The following QRFPR variants were observed in gnomAD, a reference collection of about 807,000 sequenced individuals.
QRFPR encodes pyroglutamylated RF-amide peptide receptor.
In QRFPR, 37 loss-of-function variants were observed where a neutral mutation model predicts 31.3. That is an observed-to-expected ratio of 1.18 (90% CI 0.91 to 1.56). QRFPR has a LOEUF of 1.56. QRFPR is among the 40% of genes most tolerant of loss of function. The pLI, the probability that QRFPR is intolerant of heterozygous loss-of-function variation, is 0.00. For synonymous variants in QRFPR, 197 were observed against 192.0 expected (o/e 1.03, Z -0.22); for missense variants, 542 against 532.5 (o/e 1.02, Z -0.18).
chr4:121,374,965 G>A (rs1726323426), intron 1 of QRFPR, among the ~76,000 whole-genome samples: 1 of 152,108 alleles, frequency 6.6e-6, no homozygotes, highest in Non-Finnish European at 1.5e-5. Flanking sequence ...GTGTGCACCT[G>A]AGGAGACCAT....
rs527330609 is a variant in QRFPR at position 121,366,802 on chromosome 4, T to C, written c.340+13506A>G. ...CTCTGAGCCTCCATTTTCTCATCTG[T>C]AAAATGAGGATAATATTATATTTGG... On this transcript the variant is annotated intron_variant, in intron 1 of 5. Coordinates refer to ENST00000394427, the MANE Select transcript of QRFPR (RefSeq NM_198179.3). 8.6e-5 allele frequency among the ~76,000 whole-genome samples: 13 copies of C among 150,304 alleles called. No individual in the cohort carries two copies. In the South Asian group the frequency reaches 2.8e-3, roughly 32 times the overall value.
rs746375005 is a variant in QRFPR at position 121,363,194 on chromosome 4, C to T, written c.340+17114G>A. Among the ~76,000 whole-genome samples the T allele has an allele frequency of 1.1e-4, 16 of 149,816 alleles. 1 individual carries two copies. Among genetic ancestry groups the T allele is most frequent in the African/African-American group, 1.7e-4 (7 of 40,438 alleles). On this transcript the variant is annotated intron_variant, in intron 1 of 5. Transcript: ENST00000394427. The stretch of plus-strand genomic sequence containing the variant: ...ACAAAAAATTAGTTGGGCGTGGTGG[C>T]GCACACCTGTAATCACAACTACTCA...
intron 1 of QRFPR, among the ~76,000 whole-genome samples, chr4:121,379,996 T>C (rs1726440312): frequency 6.6e-6 from 1 of 152,116 alleles, no homozygotes; most frequent in Admixed American, 6.5e-5. Flanking sequence ...GCTCGGGACC[T>C]TTCCGAAGCT....
intron 3 of QRFPR, among the ~76,000 whole-genome samples, chr4:121,333,955 C>T (rs749152755): frequency 6.6e-6 from 1 of 152,282 alleles, no homozygotes; most frequent in South Asian, 2.1e-4. Context: ...GAATGAGGGA[C>T]AGCAACTTTT....
intron 1 of QRFPR, among the ~76,000 whole-genome samples, chr4:121,378,368 C>G (rs920113298): frequency 4.0e-5 from 6 of 150,856 alleles, no homozygotes; most frequent in Non-Finnish European, 5.9e-5. Context: ...GGCCATGATT[C>G]CCCAACATGA....
At position 121,333,046 on chromosome 4, in the gene QRFPR, T is replaced by A; in HGVS notation, c.572A>T (p.Asp191Val). Reference sequence around the variant, plus strand: ...GATGTGTTCCTTTTCATATAGGAAGTCATATTTGATCTTCATAATAAGAAT... The same window carrying A: ...GATGTGTTCCTTTTCATATAGGAAGACATATTTGATCTTCATAATAAGAAT... The part of the protein sequence containing the change: ...WHVQQLEIKY[D>V]FLYEKEHICC... The change falls in exon 4 of 6, where the codon GAC becomes GTC. Residue 191 changes from aspartate to valine, a missense_variant. By Grantham distance (152) the Asp-to-Val change is radical. Coordinates refer to ENST00000394427, the MANE Select transcript of QRFPR (RefSeq NM_198179.3). The A allele has an allele frequency of 1.9e-6, 3 of 1,600,830 alleles. No homozygotes were observed. The highest frequency in any genetic ancestry group is 1.1e-5 in the South Asian group (1 of 90,246).
At chr4:121,329,837 G>A (rs1167590952) in intron 5 of QRFPR, 123 bp from the exon 6 acceptor site, 1 of 728,666 alleles carries the variant, frequency 1.4e-6, no homozygotes, top group African/African-American at 1.8e-5. Context: ...AAGTTCTCAA[G>A]ATCGTTTTGG....
chr4:121,376,704 T>C (rs1030700895), intron 1 of QRFPR, among the ~76,000 whole-genome samples: 1 of 152,226 alleles, frequency 6.6e-6, no homozygotes, highest in Admixed American at 6.5e-5. Context: ...TAAGGCAGTG[T>C]GGCTGGCTCC....
intron 1 of QRFPR, among the ~76,000 whole-genome samples, chr4:121,352,932 T>A (rs1016995118): frequency 3.9e-5 from 6 of 152,106 alleles, no homozygotes; most frequent in Non-Finnish European, 5.9e-5. Context: ...TCATTTTTTT[T>A]CTTTCGTTCC....
chr4:121,362,818 C>A (rs1726017791), intron 1 of QRFPR, among the ~76,000 whole-genome samples: 1 of 150,336 alleles, frequency 6.7e-6, no homozygotes, highest in Admixed American at 6.6e-5. Flanking sequence ...AAAAAGAAGT[C>A]TGCCTAGGAT....
At chr4:121,362,107 C>T (rs1726004481) in intron 1 of QRFPR, among the ~76,000 whole-genome samples, 2 of 150,098 alleles carry the variant, frequency 1.3e-5, no homozygotes, top group Admixed American at 1.3e-4. Flanking sequence ...ATGCAGAGCC[C>T]ACACAGCTCA....
At chr4:121,372,571 T>C (rs986896098) in intron 1 of QRFPR, among the ~76,000 whole-genome samples, 4 of 152,140 alleles carry the variant, frequency 2.6e-5, no homozygotes, top group African/African-American at 7.2e-5. Flanking sequence ...CATTAAGCAA[T>C]AACTCCCCAC....
chr4:121,374,849 T>C (rs917269061), intron 1 of QRFPR, among the ~76,000 whole-genome samples: 3 of 152,356 alleles, frequency 2.0e-5, no homozygotes, highest in Admixed American at 2.0e-4. Flanking sequence ...TAGAATATAT[T>C]TCAAACTCCT....
intron 3 of QRFPR, chr4:121,334,613 G>T: frequency 2.6e-6 from 1 of 389,040 alleles, no homozygotes; most frequent in Non-Finnish European, 5.2e-6. Context: ...TCTATTCAGG[G>T]TAAAGCCTGG....
intron 1 of QRFPR, among the ~76,000 whole-genome samples, chr4:121,355,595 C>A (rs1270415884): frequency 6.6e-6 from 1 of 151,828 alleles, no homozygotes; most frequent in Non-Finnish European, 1.5e-5. Flanking sequence ...CTACCTTCTA[C>A]TAATTTGGGG....
At chr4:121,364,222 T>A (rs1228968469) in intron 1 of QRFPR, among the ~76,000 whole-genome samples, 3 of 149,980 alleles carry the variant, frequency 2.0e-5, no homozygotes, top group Non-Finnish European at 4.4e-5. Context: ...CAATTGGGCA[T>A]GTCTTTCAAA....
intron 1 of QRFPR, among the ~76,000 whole-genome samples, chr4:121,376,095 A>G (rs376383844): frequency 6.6e-6 from 1 of 152,212 alleles, no homozygotes; most frequent in East Asian, 1.9e-4. Flanking sequence ...TAGCCCAGTA[A>G]ATCAGAGAAG....
chr4:121,349,464 T>C (rs931042947), intron 1 of QRFPR, among the ~76,000 whole-genome samples: 7 of 152,234 alleles, frequency 4.6e-5, no homozygotes, highest in African/African-American at 1.7e-4. Context: ...CTTCCAACTC[T>C]TCTAATTTAT....
chr4:121,364,625 G>A (rs1161602004), intron 1 of QRFPR, among the ~76,000 whole-genome samples: 3 of 143,122 alleles, frequency 2.1e-5, no homozygotes, highest in African/African-American at 5.2e-5. Flanking sequence ...GGGCCACAGA[G>A]CGAGACTCCA....
Sources: allele counts gnomAD v4.1 joint callset (sites outside exome capture counted in the v4.1 genomes callset), GRCh38; gene constraint gnomAD v4.1.1; transcripts MANE v1.5; gene names NCBI Gene and HGNC (gene_info 2026-07-23, HGNC 2026-07-21).